DNAJC5B: variants seen among roughly 807,000 people sequenced by gnomAD.
The protein encoded by DNAJC5B is DnaJ heat shock protein family (Hsp40) member C5 beta.
DNAJC5B carries 23 observed loss-of-function variants against 24.7 expected under a neutral mutation model. That is an observed-to-expected ratio of 0.93 (90% CI 0.67 to 1.32). The LOEUF (loss-of-function observed/expected upper bound fraction) is 1.32, where lower values mean the gene tolerates loss of function less well. DNAJC5B is among the 40% of genes most tolerant of loss of function. The probability of loss-of-function intolerance (pLI) is 0.00; values close to 1 mark genes in which losing one functional copy is unlikely to be tolerated. For missense variants in DNAJC5B, 238 were observed against 240.8 expected, an observed-to-expected ratio of 0.99 and a Z score of 0.08; for synonymous variants, 101 against 90.1, an observed-to-expected ratio of 1.12 and a Z score of -0.68.
intron 5 of DNAJC5B, among the ~76,000 whole-genome samples, chr8:66,098,349 T>C (rs1807999786): frequency 6.6e-6 from 1 of 152,074 alleles, no homozygotes; most frequent in Admixed American, 6.5e-5. Flanking sequence ...ACCACAGGTG[T>C]GTGCCACCAC....
At chr8:66,052,086 C>A (rs1806860735) in intron 3 of DNAJC5B, among the ~76,000 whole-genome samples, 1 of 151,652 alleles carries the variant, frequency 6.6e-6, no homozygotes, top group African/African-American at 2.4e-5. Flanking sequence ...GCCTCAGCCT[C>A]CTGAGTAGCT....
upstream of DNAJC5B, among the ~76,000 whole-genome samples, chr8:66,017,591 G>C (rs1411776606): frequency 6.6e-6 from 1 of 152,208 alleles, no homozygotes; most frequent in Non-Finnish European, 1.5e-5. Flanking sequence ...AGGGAGTCCA[G>C]CTTCTGAGTC....
In DNAJC5B at chr8:66,028,599, C is replaced by T. The variant is rs572864688; in HGVS notation, c.-142+6894C>T. 3.9e-5 allele frequency among the ~76,000 whole-genome samples: 6 copies of T among 151,998 alleles called. No individual in the cohort carries two copies. In the South Asian group the frequency reaches 8.3e-4, roughly 21 times the overall value. ...CTCACCATATTCCCAGTTTCTCTGG[C>T]GAGGATCTCAGGTCCCCTCTGATCC... On this transcript the variant is annotated intron_variant, in intron 1 of 5. Transcript: ENST00000276570.
At position 66,100,642 on chromosome 8, in the gene DNAJC5B, G is replaced by A. The variant is rs1364696224; in HGVS notation, c.*611G>A. 1 of 152,034 alleles carries A rather than the reference G, an allele frequency of 6.6e-6. No homozygotes were observed. The highest frequency in any genetic ancestry group is 2.4e-5 in the African/African-American group (1 of 41,390). The allele number at this position is 152,034 out of a possible 1,614,324, so 9.4% of individuals were successfully genotyped here. A position where few individuals can be genotyped will look rare whatever the true frequency, so the allele number is the denominator to read the frequency against. On this transcript the variant is annotated 3_prime_UTR_variant, in exon 6 of 6. Coordinates refer to ENST00000276570, the MANE Select transcript of DNAJC5B (RefSeq NM_033105.6). Reference sequence around the variant, plus strand: ...CAGGTTTTGTGTGTACTTTTAGATTGGCTTAAAAACAAAACAAAACAAAAC... The same window carrying A: ...CAGGTTTTGTGTGTACTTTTAGATTAGCTTAAAAACAAAACAAAACAAAAC...
chr8:66,072,751 T>G (rs1294067138), intron 3 of DNAJC5B, among the ~76,000 whole-genome samples: 1 of 152,178 alleles, frequency 6.6e-6, no homozygotes, highest in African/African-American at 2.4e-5. Flanking sequence ...AGAGGAAAAT[T>G]TATAGAGTTT....
chr8:66,072,481 A>G (rs1807372089), intron 3 of DNAJC5B, among the ~76,000 whole-genome samples: 1 of 152,212 alleles, frequency 6.6e-6, no homozygotes, highest in Non-Finnish European at 1.5e-5. Flanking sequence ...CACATGTAAC[A>G]TTTATAAAAA....
chr8:66,026,079 T>C (rs1806236560), intron 1 of DNAJC5B, among the ~76,000 whole-genome samples: 1 of 127,428 alleles, frequency 7.8e-6, no homozygotes, highest in Admixed American at 7.7e-5. Flanking sequence ...TCCATTTGTT[T>C]GTGTCCTCTT....
chr8:66,080,507 C>T lies in DNAJC5B; in HGVS notation c.464C>T (p.Pro155Leu), dbSNP rs1807571034. ...SVPEEDFYVS[P>L]EDLEEQIKSD... ...CCAGAAGAGGACTTCTATGTGTCCCCAGAGGATCTGGAGGAGCAGATCAAG... is the reference window on the plus strand; with the variant it reads ...CCAGAAGAGGACTTCTATGTGTCCCTAGAGGATCTGGAGGAGCAGATCAAG... Residue 155 changes from proline to leucine, a missense_variant, in exon 5 of 6, where the codon CCA becomes CTA. Coordinates refer to ENST00000276570, the MANE Select transcript of DNAJC5B (RefSeq NM_033105.6). 1.9e-6 allele frequency: 3 copies of T among 1,613,402 alleles called. No individual in the cohort carries two copies. The highest frequency in any genetic ancestry group is 2.5e-6 in the Non-Finnish European group (3 of 1,179,722).
rs1807567013 is a variant in DNAJC5B, at chr8:66,080,423, G to C, written c.380G>C (p.Cys127Ser). ...VGLLTGCYFC[C>S]CLCCCCNCCC... is the part of the protein sequence containing the mutation. Reference sequence around the variant, plus strand: ...CTCTTGACGGGCTGCTACTTTTGCTGCTGCCTGTGCTGCTGCTGCAACTGC... The same window carrying C: ...CTCTTGACGGGCTGCTACTTTTGCTCCTGCCTGTGCTGCTGCTGCAACTGC... Residue 127 changes from cysteine to serine, a missense_variant, in exon 5 of 6, where the codon TGC becomes TCC. Cys to Ser is a moderately radical substitution (Grantham distance 112). Transcript: ENST00000276570. 1 of 1,613,944 alleles carries C rather than the reference G, an allele frequency of 6.2e-7. No individual in the cohort carries two copies. The highest frequency in any genetic ancestry group is 1.3e-5 in the African/African-American group (1 of 75,034).
At chr8:66,093,640 GT>G (rs1368511608) in intron 5 of DNAJC5B, among the ~76,000 whole-genome samples, 1 of 151,930 alleles carries the variant, frequency 6.6e-6, no homozygotes, top group Non-Finnish European at 1.5e-5. Flanking sequence ...CATTGATTAT[GT>G]TTATTTAAAA....
chr8:66,078,116 C>G (rs533564662), intron 4 of DNAJC5B, among the ~76,000 whole-genome samples: 1 of 152,196 alleles, frequency 6.6e-6, no homozygotes, highest in Non-Finnish European at 1.5e-5. Flanking sequence ...ACACATCCAC[C>G]TGATGGCACC....
chr8:66,098,572 A>G (rs1808004598), intron 5 of DNAJC5B, among the ~76,000 whole-genome samples: 1 of 152,006 alleles, frequency 6.6e-6, no homozygotes, highest in African/African-American at 2.4e-5. Flanking sequence ...TCAGCCATCA[A>G]ATCTTCAAAT....
chr8:66,053,020 G>A (rs1018460240), intron 3 of DNAJC5B, among the ~76,000 whole-genome samples: 2 of 152,240 alleles, frequency 1.3e-5, no homozygotes, highest in Admixed American at 6.5e-5. Context: ...GGCTGAAGCA[G>A]TCCTCCTGCT....
intron 3 of DNAJC5B, among the ~76,000 whole-genome samples, chr8:66,066,739 G>A (rs1378843673): frequency 1.3e-5 from 2 of 151,954 alleles, no homozygotes; most frequent in Non-Finnish European, 2.9e-5. Flanking sequence ...GGGTAGAAGG[G>A]GGTGAAGGAT....
chr8:66,030,027 C>T (rs1350103861), intron 1 of DNAJC5B, among the ~76,000 whole-genome samples: 6 of 152,174 alleles, frequency 3.9e-5, no homozygotes. Context: ...AAATACTGTT[C>T]CTGGTAGTCT....
intron 3 of DNAJC5B, among the ~76,000 whole-genome samples, chr8:66,059,475 T>C (rs1369721736): frequency 6.6e-6 from 1 of 152,152 alleles, no homozygotes; most frequent in Admixed American, 6.5e-5. Flanking sequence ...AGAAAGCTAG[T>C]GTAGGAGTTG....
chr8:66,083,934 C>T (rs1586111851), intron 5 of DNAJC5B, among the ~76,000 whole-genome samples: 1 of 152,140 alleles, frequency 6.6e-6, no homozygotes, highest in Non-Finnish European at 1.5e-5. Context: ...AAATATCTGT[C>T]TTTTGCAAAT....
intron 5 of DNAJC5B, among the ~76,000 whole-genome samples, chr8:66,090,524 G>T (rs1315432480): frequency 6.6e-6 from 1 of 152,064 alleles, no homozygotes; most frequent in Non-Finnish European, 1.5e-5. Flanking sequence ...GAGAATAAAA[G>T]AGAAAGTGTT....
chr8:66,082,355 T>C (rs1586110251), intron 5 of DNAJC5B, among the ~76,000 whole-genome samples: 3 of 152,036 alleles, frequency 2.0e-5, no homozygotes, highest in East Asian at 3.9e-4. Context: ...CAATCCAGTG[T>C]TTCACACTTC....
Sources: gnomAD v4.1 joint callset for allele counts (sites outside exome capture counted in the v4.1 genomes callset) on GRCh38, gnomAD v4.1.1 for gene constraint, MANE v1.5 for transcripts, NCBI Gene and HGNC (gene_info 2026-07-23, HGNC 2026-07-21) for gene names.